TENM1: variants seen among roughly 807,000 people sequenced by gnomAD.
The protein encoded by TENM1 is teneurin-1.
TENM1 carries 35 observed loss-of-function variants against 174.8 expected under a neutral mutation model. That is an observed-to-expected ratio of 0.20 (90% CI 0.15 to 0.27). The LOEUF is 0.27. TENM1 is among the 10% of genes least tolerant of loss of function. TENM1 has a pLI of 1.00. For missense variants in TENM1, 1,633 were observed against 2,130.1 expected, an observed-to-expected ratio of 0.77 and a Z score of 4.59; for synonymous variants, 781 against 798.7, an observed-to-expected ratio of 0.98 and a Z score of 0.37.
intron 3 of TENM1, among the ~76,000 whole-genome samples, chrX:124,883,170 G>A (rs1257253729): frequency 9.0e-6 from 1 of 111,289 alleles, no homozygotes; most frequent in African/African-American, 3.3e-5. Context: ...TGTGCATCAG[G>A]TATAACAGTT....
intron 11 of TENM1, among the ~76,000 whole-genome samples, chrX:124,605,505 G>A (rs142840346): frequency 3.0e-4 from 33 of 110,313 alleles, no homozygotes; most frequent in African/African-American, 1.1e-3. Context: ...TTTTTCCAAT[G>A]TTGAAAGCAC....
intron 16 of TENM1, among the ~76,000 whole-genome samples, chrX:124,528,849 T>C (rs1234330072): frequency 9.0e-6 from 1 of 111,459 alleles, no homozygotes; most frequent in African/African-American, 3.3e-5. Flanking sequence ...TTTTCTTAAG[T>C]AGGCTAAAAC....
chrX:124,869,436 C>A (rs939449633), intron 3 of TENM1, among the ~76,000 whole-genome samples: 1 of 111,131 alleles, frequency 9.0e-6, no homozygotes, highest in African/African-American at 3.3e-5. Flanking sequence ...ATCCAGCAAT[C>A]CCACTGATGG....
the TENM1 span, among the ~76,000 whole-genome samples, chrX:125,178,491 T>A: frequency 5.4e-5 from 6 of 110,693 alleles, no homozygotes; most frequent in African/African-American, 2.0e-4. Flanking sequence ...ACTCTCAACC[T>A]TAGAGAGATA....
intron 16 of TENM1, among the ~76,000 whole-genome samples, chrX:124,529,060 G>A (rs977289503): frequency 9.0e-6 from 1 of 111,020 alleles, no homozygotes; most frequent in Non-Finnish European, 1.9e-5. Context: ...CTTTTTTTGC[G>A]TATGATTATT....
intron 22 of TENM1, among the ~76,000 whole-genome samples, chrX:124,476,659 T>TA (rs951464386): frequency 1.8e-5 from 2 of 112,118 alleles, no homozygotes; most frequent in Non-Finnish European, 3.8e-5. Context: ...CGTATCTACT[T>TA]AAAAAAATAA....
intron 11 of TENM1, among the ~76,000 whole-genome samples, chrX:124,637,068 C>CT (rs1273433986): frequency 2.7e-5 from 3 of 109,831 alleles, no homozygotes; most frequent in African/African-American, 9.9e-5. Context: ...GTGCTATTTT[C>CT]TTTTTTCTTT....
At chrX:124,451,996 G>A (rs2061043050) in intron 23 of TENM1, among the ~76,000 whole-genome samples, 2 of 111,852 alleles carry the variant, frequency 1.8e-5, no homozygotes, top group Admixed American at 9.4e-5. Context: ...AAAAAGCAAT[G>A]GCAACAAAAG....
At chrX:125,104,749 A>G in the TENM1 span, among the ~76,000 whole-genome samples, 1 of 111,980 alleles carries the variant, frequency 8.9e-6, no homozygotes, top group Non-Finnish European at 1.9e-5. Context: ...TAGAAAGAAA[A>G]AAAAATAGAA....
chrX:124,404,284 A>C (rs193050791), intron 27 of TENM1, among the ~76,000 whole-genome samples: 118 of 111,248 alleles, frequency 1.1e-3, no homozygotes, highest in African/African-American at 3.6e-3. Context: ...ATGTTACTAC[A>C]TGTAGAAAGC....
At chrX:124,877,674 G>T (rs934656060) in intron 3 of TENM1, among the ~76,000 whole-genome samples, 1 of 111,028 alleles carries the variant, frequency 9.0e-6, no homozygotes, top group Admixed American at 9.6e-5. Context: ...AGAACTTCTT[G>T]GAACTGATTT....
chrX:124,885,600 G>A lies in TENM1; in HGVS notation c.535+8696C>T, dbSNP rs182772562. On this transcript the variant is annotated intron_variant, in intron 3 of 31. Transcript: ENST00000422452. ...ATGGATCCTGATAAGGACACATGAT[G>A]CACGGAAAGAAAAAGGTAAGATGCT... is the stretch of plus-strand genomic sequence containing the variant. Among the ~76,000 whole-genome samples the A allele has an allele frequency of 1.6e-3, 174 of 110,717 alleles. 1 individual carries two copies. The highest frequency in any genetic ancestry group is 2.4e-3 in the Non-Finnish European group (127 of 52,801).
exon 24 of TENM1, chrX:124,422,361 T>C (rs1237217785): frequency 1.3e-5 from 16 of 1,211,415 alleles, no homozygotes; most frequent in South Asian, 1.8e-5. Flanking sequence ...GGTGGTTACT[T>C]GCTGAATGCG....
chrX:124,989,342 C>G, the TENM1 span, among the ~76,000 whole-genome samples: 1 of 111,214 alleles, frequency 9.0e-6, no homozygotes, highest in Non-Finnish European at 1.9e-5. Flanking sequence ...ACTGCAAAGA[C>G]CTCAATGCTA....
At chrX:125,054,038 T>C in the TENM1 span, among the ~76,000 whole-genome samples, 10 of 112,044 alleles carry the variant, frequency 8.9e-5, no homozygotes, top group Non-Finnish European at 1.9e-4. Context: ...TCTAAGGACC[T>C]TTTAGCTTTA....
the TENM1 span, among the ~76,000 whole-genome samples, chrX:125,136,926 C>A: frequency 9.0e-6 from 1 of 111,251 alleles, no homozygotes; most frequent in African/African-American, 3.3e-5. Context: ...CAATCCCCCA[C>A]AGATATCAAG....
rs370113012 is a variant in TENM1, at chrX:124,458,907, T to G, written c.3950-5416A>C. Among the ~76,000 whole-genome samples the G allele has an allele frequency of 3.9e-4, 44 of 112,478 alleles. 1 individual carries two copies. The highest frequency in any genetic ancestry group is 1.4e-3 in the African/African-American group (43 of 30,928). On this transcript the variant is annotated intron_variant, in intron 22 of 31. Coordinates refer to ENST00000422452, the Ensembl canonical transcript of TENM1. ...CTTACTGAGAAAAATGTTTTTCTGT[T>G]TACTCATTAACTTATTCAAGATTTA...
chrX:125,159,854 T>C, the TENM1 span, among the ~76,000 whole-genome samples: 1 of 111,140 alleles, frequency 9.0e-6, no homozygotes, highest in South Asian at 3.8e-4. Context: ...AGAGGTGAGA[T>C]TTTGAGACCC....
At chrX:124,414,303 C>T (rs998078926) in intron 25 of TENM1, among the ~76,000 whole-genome samples, 5 of 111,708 alleles carry the variant, frequency 4.5e-5, no homozygotes, top group Non-Finnish European at 9.4e-5. Flanking sequence ...ACGACTGATG[C>T]TTTGGCCTTA....
Sources: allele counts gnomAD v4.1 joint callset (sites outside exome capture counted in the v4.1 genomes callset), GRCh38; gene constraint gnomAD v4.1.1; transcripts MANE v1.5; gene names NCBI Gene and HGNC (gene_info 2026-07-23, HGNC 2026-07-21).